GRIA3: variants seen among roughly 807,000 people sequenced by gnomAD.
The protein encoded by GRIA3 is glutamate ionotropic receptor AMPA type subunit 3, also known as glutamate receptor 3.
A neutral mutation model predicts 63.0 loss-of-function variants in GRIA3; 3 were observed. The observed-to-expected ratio is 0.05, with a 90% CI of 0.02 to 0.12. The LOEUF is 0.12. GRIA3 is among the 10% of genes least tolerant of loss of function. The pLI is 1.00. For missense variants in GRIA3, 347 were observed against 700.9 expected (o/e 0.50, Z 5.70); for synonymous variants, 274 against 257.9 (o/e 1.06, Z -0.60).
intron 4 of GRIA3, among the ~76,000 whole-genome samples, chrX:123,343,370 C>T (rs1252404239): frequency 9.0e-6 from 1 of 111,293 alleles, no homozygotes; most frequent in Non-Finnish European, 1.9e-5. Flanking sequence ...AAAGCCTTCC[C>T]TGGTTCTATC....
chrX:123,355,027 C>T, intron 5 of GRIA3, 64 bp downstream of exon 5: 1 of 842,130 alleles, frequency 1.2e-6, no homozygotes, highest in Middle Eastern at 2.8e-4. Flanking sequence ...CTGTAATCAT[C>T]CAAAAAGGAA....
At chrX:123,382,335 G>T (rs1361885079) in intron 5 of GRIA3, among the ~76,000 whole-genome samples, 4 of 111,145 alleles carry the variant, frequency 3.6e-5, no homozygotes, top group Non-Finnish European at 7.5e-5. Context: ...AGGTTGTGAT[G>T]ACCTCCCCCT....
rs1249729707 is a variant in GRIA3 at position 123,299,928 on chromosome X, T to TC, written c.509-26098_509-26097insC. Among the ~76,000 whole-genome samples the TC allele has an allele frequency of 4.5e-5, 5 of 110,861 alleles. No homozygotes were observed. In the Admixed American group the frequency reaches 4.8e-4, roughly 11 times the overall value. ...TCAATACCTAGTTTATTTAGAGTTT[T>TC]TTAACATAAACAGATGTTGAATTTT... On this transcript the variant is annotated intron_variant, in intron 3 of 15. Coordinates refer to ENST00000620443, the MANE Select transcript of GRIA3 (RefSeq NM_007325.5).
intron 12 of GRIA3, among the ~76,000 whole-genome samples, chrX:123,461,649 C>T (rs780839134): frequency 4.2e-4 from 46 of 110,524 alleles, no homozygotes; most frequent in African/African-American, 1.2e-3. Flanking sequence ...GGGAACTAGC[C>T]GAGGATTTTA....
chrX:123,354,054 T>C (rs2045116269), intron 4 of GRIA3, among the ~76,000 whole-genome samples: 1 of 112,260 alleles, frequency 8.9e-6, no homozygotes. Context: ...TTTTTATTAA[T>C]ACAAAGCCTA....
At chrX:123,295,841 G>C (rs917918791) in intron 3 of GRIA3, among the ~76,000 whole-genome samples, 1 of 110,951 alleles carries the variant, frequency 9.0e-6, no homozygotes, top group African/African-American at 3.3e-5. Flanking sequence ...TCAGTAGATA[G>C]TCCAATTGCC....
chrX:123,477,075 G>T (rs762842467), intron 13 of GRIA3, among the ~76,000 whole-genome samples: 1 of 111,736 alleles, frequency 8.9e-6, no homozygotes, highest in Admixed American at 9.5e-5. Flanking sequence ...CTAAGTCACC[G>T]ATGTACTGAG....
At chrX:123,386,089 T>C (rs1299488001) in intron 5 of GRIA3, among the ~76,000 whole-genome samples, 1 of 111,740 alleles carries the variant, frequency 8.9e-6, no homozygotes, top group African/African-American at 3.2e-5. Flanking sequence ...CTTGCCAGCA[T>C]CTGGTTGTTG....
intron 3 of GRIA3, among the ~76,000 whole-genome samples, chrX:123,305,057 T>G (rs1243028063): frequency 9.0e-6 from 1 of 111,689 alleles, no homozygotes; most frequent in Non-Finnish European, 1.9e-5. Context: ...GTTAAATATT[T>G]CTGAGGATAC....
chrX:123,226,673 G>C (rs1207079579), intron 2 of GRIA3, among the ~76,000 whole-genome samples: 2 of 111,247 alleles, frequency 1.8e-5, no homozygotes, highest in Non-Finnish European at 3.8e-5. Context: ...AATTATATGA[G>C]GAAAGGTGAG....
chrX:123,199,362 T>C (rs1195581254), intron 2 of GRIA3, among the ~76,000 whole-genome samples: 1 of 105,669 alleles, frequency 9.5e-6, no homozygotes, highest in Non-Finnish European at 1.9e-5. Context: ...GAAACCTGGG[T>C]TATGACCAAA....
intron 4 of GRIA3, among the ~76,000 whole-genome samples, chrX:123,326,529 AAT>A (rs779200905): frequency 8.9e-6 from 1 of 112,199 alleles, no homozygotes; most frequent in South Asian, 3.8e-4. Flanking sequence ...CTTTCAAAGT[AAT>A]CCCCTTCCTT....
chrX:123,204,386 C>T (rs778846965), intron 2 of GRIA3: 1 of 1,148,552 alleles, frequency 8.7e-7, no homozygotes, highest in African/African-American at 1.8e-5. Flanking sequence ...AATATTTTAC[C>T]TTTCCTGTTC....
chrX:123,436,559 G>A (rs1294786149), intron 12 of GRIA3, among the ~76,000 whole-genome samples: 6 of 112,317 alleles, frequency 5.3e-5, no homozygotes, highest in Non-Finnish European at 9.4e-5. Context: ...GTGGCCTGCC[G>A]GCCATCTGCC....
At chrX:123,260,436 GA>G (rs1321036557) in intron 3 of GRIA3, among the ~76,000 whole-genome samples, 13 of 12,450 alleles carry the variant, frequency 1.0e-3, no homozygotes, top group African/African-American at 3.0e-3. Context: ...CAGAAAGAAA[GA>G]AAGAAAGAAA....
intron 13 of GRIA3, among the ~76,000 whole-genome samples, chrX:123,475,478 G>T (rs949902855): frequency 9.0e-6 from 1 of 111,612 alleles, no homozygotes; most frequent in African/African-American, 3.3e-5. Context: ...TTTTCCCTAA[G>T]CCTGCTGACT....
intron 2 of GRIA3, among the ~76,000 whole-genome samples, chrX:123,218,763 C>G (rs1259108686): frequency 1.8e-5 from 2 of 111,260 alleles, no homozygotes; most frequent in East Asian, 5.6e-4. Context: ...TCTCTACACC[C>G]CTATCATTGG....
chrX:123,245,517 T>A (rs894293912), intron 2 of GRIA3, among the ~76,000 whole-genome samples: 1 of 111,772 alleles, frequency 8.9e-6, no homozygotes, highest in African/African-American at 3.3e-5. Context: ...ACAAAATCTT[T>A]GAAACACATC....
intron 3 of GRIA3, among the ~76,000 whole-genome samples, chrX:123,265,835 T>C (rs2044485031): frequency 8.9e-6 from 1 of 112,267 alleles, no homozygotes; most frequent in Non-Finnish European, 1.9e-5. Context: ...CCTGAACCCT[T>C]TCAGGACCCT....
Sources: gnomAD v4.1 joint callset for allele counts (sites outside exome capture counted in the v4.1 genomes callset) on GRCh38, gnomAD v4.1.1 for gene constraint, MANE v1.5 for transcripts, NCBI Gene and HGNC (gene_info 2026-07-23, HGNC 2026-07-21) for gene names.